The following SMIM14 variants were observed in gnomAD, a reference collection of about 807,000 sequenced individuals.
SMIM14 encodes the protein chromosome 4 open reading frame 34.
In SMIM14, 5 loss-of-function variants were observed where a neutral mutation model predicts 12.6. The observed-to-expected ratio is 0.40, with a 90% CI of 0.21 to 0.83. The LOEUF (loss-of-function observed/expected upper bound fraction) is 0.83. Ranked by LOEUF, SMIM14 falls within the 40% of genes least tolerant of loss-of-function variation. SMIM14 has a pLI of 0.37. For synonymous variants in SMIM14, 30 were observed against 40.1 expected (o/e 0.75, Z 0.95); for missense variants, 86 against 119.1 (o/e 0.72, Z 1.29).
chr4:39,612,855 C>T (rs571118387), intron 1 of SMIM14, among the ~76,000 whole-genome samples: 1 of 152,222 alleles, frequency 6.6e-6, no homozygotes, highest in South Asian at 2.1e-4. Flanking sequence ...CTGCCTTGGC[C>T]TCCCAAAGTG....
At chr4:39,628,684 A>AAAAC (rs397776147) in intron 1 of SMIM14, among the ~76,000 whole-genome samples, 1 of 149,854 alleles carries the variant, frequency 6.7e-6, no homozygotes, top group Non-Finnish European at 1.5e-5. Flanking sequence ...TCCGTCTCAA[A>AAAAC]CAAACAAACA....
intron 3 of SMIM14, among the ~76,000 whole-genome samples, chr4:39,570,499 A>C (rs1225788745): frequency 6.6e-6 from 1 of 152,120 alleles, no homozygotes; most frequent in Non-Finnish European, 1.5e-5. Context: ...AAGAACTCTG[A>C]GGTTGAAGAA....
At chr4:39,602,369 C>T (rs770165629) in intron 2 of SMIM14, among the ~76,000 whole-genome samples, 60 of 151,540 alleles carry the variant, frequency 4.0e-4, no homozygotes, top group Admixed American at 2.2e-3. Context: ...CCGAGGCAGG[C>T]GGATCACCTG....
chr4:39,560,607 C>G (rs532180230), intron 3 of SMIM14, among the ~76,000 whole-genome samples: 42 of 152,006 alleles, frequency 2.8e-4, no homozygotes, highest in African/African-American at 8.9e-4. Context: ...GATCGCGCCA[C>G]TGCACTCCAG....
At chr4:39,586,439 T>C (rs1578334955) in intron 2 of SMIM14, among the ~76,000 whole-genome samples, 1 of 152,034 alleles carries the variant, frequency 6.6e-6, no homozygotes, top group African/African-American at 2.4e-5. Context: ...GTAACAAAGA[T>C]TGCCTTTTCT....
intron 4 of SMIM14, among the ~76,000 whole-genome samples, chr4:39,552,485 T>C (rs1265346407): frequency 6.6e-6 from 1 of 152,220 alleles, no homozygotes; most frequent in African/African-American, 2.4e-5. Context: ...AGGAGTGATC[T>C]TCAAACCTAT....
chr4:39,578,540 GTGGGGA>G (rs1174145259), intron 2 of SMIM14, among the ~76,000 whole-genome samples: 1 of 152,164 alleles, frequency 6.6e-6, no homozygotes, highest in Non-Finnish European at 1.5e-5. Context: ...TTATAGTAAT[GTGGGGA>G]TGGGTGCCAC....
intron 2 of SMIM14, 92 bp downstream of exon 2, chr4:39,604,979 G>T: frequency 1.3e-6 from 1 of 794,752 alleles, no homozygotes; most frequent in Non-Finnish European, 2.1e-6. Context: ...GTGACCATCA[G>T]ATGAAAACCC....
At chr4:39,604,974 C>A in intron 2 of SMIM14, 97 bp downstream of exon 2, 1 of 755,410 alleles carries the variant, frequency 1.3e-6, no homozygotes, top group Non-Finnish European at 2.3e-6. Flanking sequence ...CTTTAGTGAC[C>A]ATCAGATGAA....
At chr4:39,572,535 A>C in intron 2 of SMIM14, 72 bp from the exon 3 acceptor site, 33 of 1,351,132 alleles carry the variant, frequency 2.4e-5, no homozygotes, top group Non-Finnish European at 2.9e-5. Flanking sequence ...TAGAAAGATC[A>C]TGTTTTGGCC....
intron 1 of SMIM14, among the ~76,000 whole-genome samples, chr4:39,637,114 T>C (rs917454617): frequency 5.3e-5 from 8 of 152,238 alleles, no homozygotes; most frequent in African/African-American, 1.7e-4. Context: ...TGTGGTATGA[T>C]ACCATATTTG....
At position 39,599,199 on chromosome 4, in the gene SMIM14, T is replaced by C. The variant is rs73808482; in HGVS notation, c.75+5872A>G. 9.3e-3 allele frequency among the ~76,000 whole-genome samples: 1,414 copies of C among 152,292 alleles called. 27 individuals are homozygous for C. The highest frequency in any genetic ancestry group is 0.033 in the African/African-American group (1,360 of 41,552). On this transcript the variant is annotated intron_variant, in intron 2 of 4. Coordinates refer to ENST00000295958, the MANE Select transcript of SMIM14 (RefSeq NM_174921.3). ...TGCTGTTGAGAAGTCTAAAGTCGTT[T>C]AGATTCTTGACCCTTAGTGTGTGAC...
At chr4:39,591,639 T>C (rs1714086723) in intron 2 of SMIM14, among the ~76,000 whole-genome samples, 1 of 152,088 alleles carries the variant, frequency 6.6e-6, no homozygotes, top group African/African-American at 2.4e-5. Context: ...CACTGCAACC[T>C]CCACCTCCCA....
chr4:39,567,438 AC>A (rs1345767776), intron 3 of SMIM14, among the ~76,000 whole-genome samples: 8 of 152,012 alleles, frequency 5.3e-5, no homozygotes, highest in Non-Finnish European at 1.5e-5. Flanking sequence ...CCCTGTCTCT[AC>A]AAAAAATACA....
chr4:39,558,960 G>A lies in SMIM14; in HGVS notation c.125-2390C>T, dbSNP rs1485201643. 1.3e-5 allele frequency among the ~76,000 whole-genome samples: 2 copies of A among 151,956 alleles called. No individual in the cohort carries two copies. The highest frequency in any genetic ancestry group is 1.9e-4 in the East Asian group (1 of 5,190). On this transcript the variant is annotated intron_variant, in intron 3 of 4. Coordinates refer to ENST00000295958, the MANE Select transcript of SMIM14 (RefSeq NM_174921.3). The surrounding 1 kb of genome is among the most constrained non-coding windows in gnomAD (Gnocchi z 4.3). ...CCTGACCTCGTGATCTGCCTGCTTC[G>A]GCCTCCCAAAGTGCTGGGATTACAG...
intron 4 of SMIM14, among the ~76,000 whole-genome samples, chr4:39,555,659 C>T (rs1711972940): frequency 1.3e-5 from 2 of 152,158 alleles, no homozygotes; most frequent in Non-Finnish European, 2.9e-5. Flanking sequence ...TGAATGATTC[C>T]GACCTCTCCT....
intron 4 of SMIM14, among the ~76,000 whole-genome samples, chr4:39,555,922 A>G (rs1416315628): frequency 6.6e-6 from 1 of 152,176 alleles, no homozygotes; most frequent in African/African-American, 2.4e-5. Context: ...ATTGCTGTGG[A>G]TTATGAAATG....
At chr4:39,576,660 G>GTATATATATATATATATATA (rs1298743756) in intron 2 of SMIM14, among the ~76,000 whole-genome samples, 13 of 72,378 alleles carry the variant, frequency 1.8e-4, no homozygotes, top group African/African-American at 5.4e-4. Flanking sequence ...GTGTGTATGT[G>GTATATATATATATATATATA]TATATATATA....
At chr4:39,562,833 G>A (rs959520213) in intron 3 of SMIM14, among the ~76,000 whole-genome samples, 12 of 122,814 alleles carry the variant, frequency 9.8e-5, no homozygotes, top group South Asian at 2.2e-4. Context: ...TAGTAGAGAC[G>A]GTGTTTTGCC....
Sources: gnomAD v4.1 joint callset for allele counts (sites outside exome capture counted in the v4.1 genomes callset) on GRCh38, gnomAD v4.1.1 for gene constraint, Gnocchi (gnomAD v3.1) non-coding constraint, MANE v1.5 for transcripts, NCBI Gene and HGNC (gene_info 2026-07-23, HGNC 2026-07-21) for gene names.